Variants in RORA observed in about 807,000 individuals in gnomAD.
RORA encodes the protein RAR related orphan receptor A, also known as nuclear receptor ROR-alpha.
In RORA, 7 loss-of-function variants were observed where a neutral mutation model predicts 69.5. The observed-to-expected ratio is 0.10, with a 90% CI of 0.06 to 0.19. The LOEUF is 0.19. RORA is among the 10% of genes least tolerant of loss of function. The probability of loss-of-function intolerance (pLI) is 1.00; values close to 1 mark genes in which losing one functional copy is unlikely to be tolerated. For missense variants in RORA, 457 were observed against 663.0 expected (o/e 0.69, Z 3.41); for synonymous variants, 261 against 240.8 (o/e 1.08, Z -0.78).
At chr15:60,956,155 T>C (rs1425330142) in intron 1 of RORA, among the ~76,000 whole-genome samples, 1 of 152,200 alleles carries the variant, frequency 6.6e-6, no homozygotes, top group Non-Finnish European at 1.5e-5. Flanking sequence ...TAGAATTATT[T>C]CTCTTATTTT....
At chr15:61,183,161 G>A (rs913929256) in intron 1 of RORA, 3 of 152,240 alleles carry the variant, frequency 2.0e-5, no homozygotes, top group African/African-American at 7.2e-5. Context: ...TTAACTTTGG[G>A]GCAAGCTGGG....
chr15:61,127,958 C>T (rs996199874), intron 1 of RORA, among the ~76,000 whole-genome samples: 4 of 152,156 alleles, frequency 2.6e-5, no homozygotes, highest in Non-Finnish European at 4.4e-5. Context: ...CTGTATGCAT[C>T]AGCTTCTTAC....
intron 1 of RORA, among the ~76,000 whole-genome samples, chr15:60,932,013 A>G (rs377363358): frequency 6.6e-6 from 1 of 151,036 alleles, no homozygotes; most frequent in Admixed American, 6.6e-5. Context: ...AGCAATATCT[A>G]GAAAAATATT....
intron 1 of RORA, among the ~76,000 whole-genome samples, chr15:61,111,174 T>A (rs1203788119): frequency 6.6e-6 from 1 of 152,196 alleles, no homozygotes; most frequent in African/African-American, 2.4e-5. Flanking sequence ...CTTTTTAAGG[T>A]GAAGGAACAA....
At position 60,906,267 on chromosome 15, in the gene RORA, G is replaced by T. The variant is rs116081420; in HGVS notation, c.167-227581C>A. ...ACAAAAACCTTCTTGCTGCCTAATT[G>T]CACCACAGCTACTCATAGACCCCAA... On this transcript the variant is annotated intron_variant, in intron 1 of 10. Transcript: ENST00000335670. 1.4e-3 allele frequency among the ~76,000 whole-genome samples: 214 copies of T among 152,242 alleles called. 1 individual carries two copies. Among genetic ancestry groups the T allele is most frequent in the African/African-American group, 4.9e-3 (202 of 41,534 alleles).
chr15:61,168,603 C>T (rs528192497), intron 1 of RORA, among the ~76,000 whole-genome samples: 2 of 151,998 alleles, frequency 1.3e-5, no homozygotes, highest in Non-Finnish European at 2.9e-5. Context: ...TAAATAAAAA[C>T]GTGTGTCTTA....
intron 1 of RORA, among the ~76,000 whole-genome samples, chr15:60,843,449 A>C (rs1159879897): frequency 6.6e-6 from 1 of 151,990 alleles, no homozygotes; most frequent in Non-Finnish European, 1.5e-5. Flanking sequence ...ACAGTTCCCA[A>C]GGCCTTTTCT....
chr15:61,113,534 C>T (rs1401976152), intron 1 of RORA, among the ~76,000 whole-genome samples: 1 of 152,146 alleles, frequency 6.6e-6, no homozygotes, highest in Non-Finnish European at 1.5e-5. Flanking sequence ...TTGAGGAAAA[C>T]AAAAAGGCTG....
intron 2 of RORA, chr15:60,544,797 C>T (rs765945850): frequency 6.6e-5 from 10 of 152,130 alleles, no homozygotes; most frequent in Non-Finnish European, 1.0e-4. Context: ...TTGTAATTCA[C>T]TTTTCAGAAC....
At chr15:60,842,274 A>G in intron 1 of RORA, among the ~76,000 whole-genome samples, 1 of 151,972 alleles carries the variant, frequency 6.6e-6, no homozygotes, top group East Asian at 1.9e-4. Context: ...AATTTATTTA[A>G]TATCATCCCT....
chr15:60,647,883 C>G (rs368269793), intron 2 of RORA, among the ~76,000 whole-genome samples: 3 of 152,200 alleles, frequency 2.0e-5, no homozygotes, highest in East Asian at 3.9e-4. Flanking sequence ...GGGATCACAC[C>G]CCAGAGGCAG....
intron 1 of RORA, among the ~76,000 whole-genome samples, chr15:60,783,805 A>G (rs1274305806): frequency 6.6e-6 from 1 of 152,192 alleles, no homozygotes; most frequent in Non-Finnish European, 1.5e-5. Flanking sequence ...GAAAACTTTA[A>G]ATGCCAGGGT....
At chr15:60,792,894 A>G (rs966015043) in intron 1 of RORA, among the ~76,000 whole-genome samples, 1 of 152,176 alleles carries the variant, frequency 6.6e-6, no homozygotes, top group African/African-American at 2.4e-5. Flanking sequence ...TCCAGTGGGT[A>G]GCAAATTTAT....
intron 1 of RORA, among the ~76,000 whole-genome samples, chr15:60,881,524 A>G (rs926418388): frequency 1.3e-5 from 2 of 152,256 alleles, no homozygotes; most frequent in African/African-American, 4.8e-5. Flanking sequence ...TGAGGCTCAA[A>G]GCACATTTCA....
intron 1 of RORA, chr15:60,764,852 G>C (rs892819228): frequency 6.6e-6 from 1 of 151,978 alleles, no homozygotes; most frequent in Non-Finnish European, 1.5e-5. Flanking sequence ...CATTGTACTT[G>C]AAATGCCTTG....
At chr15:60,853,010 C>T (rs1410350643) in intron 1 of RORA, among the ~76,000 whole-genome samples, 2 of 152,154 alleles carry the variant, frequency 1.3e-5, no homozygotes, top group Non-Finnish European at 2.9e-5. Context: ...GTGTCTGTCG[C>T]TGTGGCAATT....
At chr15:60,849,755 G>T (rs2073304404) in intron 1 of RORA, among the ~76,000 whole-genome samples, 1 of 152,234 alleles carries the variant, frequency 6.6e-6, no homozygotes, top group Non-Finnish European at 1.5e-5. Context: ...TGAATGTGGA[G>T]CTGGGAAGAA....
intron 1 of RORA, among the ~76,000 whole-genome samples, chr15:61,184,043 A>G (rs1177127244): frequency 6.6e-6 from 1 of 152,146 alleles, no homozygotes; most frequent in East Asian, 1.9e-4. Flanking sequence ...TCTCCTATCA[A>G]AGCCCAGTTC....
In RORA at chr15:60,516,024, TA is replaced by T. The variant is rs1176747645; in HGVS notation, c.283-1268del. Reference sequence around the variant, plus strand: ...ATTTATATATATTTATATATATTTATATATTTATATATATTTATATATTTAT... The same window carrying T: ...ATTTATATATATTTATATATATTTATTATTTATATATATTTATATATTTAT... On this transcript the variant is annotated intron_variant, in intron 3 of 10. Transcript: ENST00000335670. 5.3e-3 allele frequency among the ~76,000 whole-genome samples: 65 copies of T among 12,312 alleles called. 1 individual carries two copies. The highest frequency in any genetic ancestry group is 0.052 in the East Asian group (10 of 194). 8.1% of individuals were successfully genotyped at this position (12,312 alleles called of 152,430 possible).
Sources: gnomAD v4.1 joint callset for allele counts (sites outside exome capture counted in the v4.1 genomes callset) on GRCh38, gnomAD v4.1.1 for gene constraint, MANE v1.5 for transcripts, NCBI Gene and HGNC (gene_info 2026-07-23, HGNC 2026-07-21) for gene names.